INTS4: variants seen among roughly 807,000 people sequenced by gnomAD.
INTS4 encodes the protein MSTP093.
A neutral mutation model predicts 119.5 loss-of-function variants in INTS4; 70 were observed. The observed-to-expected ratio is 0.59, with a 90% CI of 0.48 to 0.71. INTS4 has a LOEUF of 0.71. Ranked by LOEUF, INTS4 falls within the 30% of genes least tolerant of loss-of-function variation. The pLI is 0.00. For missense variants in INTS4, 867 were observed against 1,173.2 expected (o/e 0.74, Z 3.81); for synonymous variants, 316 against 419.6 (o/e 0.75, Z 3.02).
At chr11:77,990,142 CAA>C (rs532596118) in intron 2 of INTS4, among the ~76,000 whole-genome samples, 49 of 147,414 alleles carry the variant, frequency 3.3e-4, no homozygotes, top group African/African-American at 1.1e-3. Flanking sequence ...TCACTTAAAC[CAA>C]AGAGACGGAG....
At chr11:77,894,198 G>A in intron 19 of INTS4, 92 bp downstream of exon 19, 1 of 670,342 alleles carries the variant, frequency 1.5e-6, no homozygotes, top group Non-Finnish European at 2.6e-6. Context: ...GCTAAACCAA[G>A]GAATGTGATT....
chr11:77,875,229 C>G (rs1026072226), downstream of INTS4, among the ~76,000 whole-genome samples: 11 of 152,178 alleles, frequency 7.2e-5, no homozygotes, highest in Middle Eastern at 3.2e-3. Context: ...TCTTTCCTTG[C>G]CCGGTTATGT....
At chr11:77,964,258 G>C (rs1232540607) in intron 4 of INTS4, among the ~76,000 whole-genome samples, 1 of 152,126 alleles carries the variant, frequency 6.6e-6, no homozygotes, top group Non-Finnish European at 1.5e-5. Context: ...GAATACAACA[G>C]AGTAACATCC....
intron 4 of INTS4, among the ~76,000 whole-genome samples, chr11:77,973,973 T>C (rs1224047281): frequency 6.6e-6 from 1 of 152,218 alleles, no homozygotes; most frequent in African/African-American, 2.4e-5. Flanking sequence ...TCTCCTGTTC[T>C]ATTTCTTGGG....
chr11:77,899,887 C>T (rs146846621), intron 18 of INTS4, among the ~76,000 whole-genome samples: 1 of 152,010 alleles, frequency 6.6e-6, no homozygotes, highest in African/African-American at 2.4e-5. Flanking sequence ...TGGAAGTATA[C>T]ACATGAAATG....
intron 4 of INTS4, chr11:77,963,352 CAAAAAA>C (rs777966254): frequency 8.4e-5 from 15 of 177,712 alleles, no homozygotes; most frequent in East Asian, 6.8e-4. Context: ...GACTCCGTCT[CAAAAAA>C]AAAAAAAAAA....
intron 1 of INTS4, among the ~76,000 whole-genome samples, chr11:77,992,937 C>A (rs1124590): frequency 0.13 from 19,770 of 152,190 alleles, 1,474 homozygotes; most frequent in East Asian, 0.25. Flanking sequence ...ATGTTAACAA[C>A]TGATGAAAAA....
chr11:77,902,693 C>G (rs143758808), intron 17 of INTS4, among the ~76,000 whole-genome samples: 1,673 of 152,272 alleles, frequency 0.011, 32 homozygotes, highest in African/African-American at 0.036. Context: ...ATAACAGTCA[C>G]CATCATTAGC....
intron 12 of INTS4, 56 bp downstream of exon 12, chr11:77,924,694 T>C: frequency 6.7e-7 from 1 of 1,496,442 alleles, no homozygotes; most frequent in Non-Finnish European, 9.3e-7. Flanking sequence ...AATGTCAGCA[T>C]TATACATTTA....
Position 77,994,650 on chromosome 11 carries a change from C to G in INTS4, c.-7G>C. The G allele has an allele frequency of 6.2e-7, 1 of 1,614,168 alleles. No individual in the cohort carries two copies. The highest frequency in any genetic ancestry group is 8.5e-7 in the Non-Finnish European group (1 of 1,180,024). On this transcript the variant is annotated 5_prime_UTR_variant, in exon 1 of 23. Transcript: ENST00000534064. ...TCTTAAGGTGCGCCGCCATGCCTAC[C>G]CGCGGGCCCTCTCAGCTTCCGTACA...
At chr11:77,924,652 C>T in intron 12 of INTS4, 98 bp downstream of exon 12, 1 of 1,140,462 alleles carries the variant, frequency 8.8e-7, no homozygotes, top group Non-Finnish European at 1.3e-6. Flanking sequence ...AAATTCAGGG[C>T]CGTACTATCC....
chr11:77,966,023 G>A (rs1855490313), intron 4 of INTS4, among the ~76,000 whole-genome samples: 1 of 152,162 alleles, frequency 6.6e-6, no homozygotes, highest in African/African-American at 2.4e-5. Flanking sequence ...TCTAATAGAT[G>A]TGAGGTGACA....
chr11:77,953,587 AT>A (rs71046929), intron 8 of INTS4, among the ~76,000 whole-genome samples: 61 of 147,642 alleles, frequency 4.1e-4, no homozygotes, highest in East Asian at 6.0e-4. Context: ...AAGTTAAACA[AT>A]TTTTTTTTTT....
intron 2 of INTS4, among the ~76,000 whole-genome samples, chr11:77,988,657 A>G (rs1856549463): frequency 6.6e-6 from 1 of 152,336 alleles, no homozygotes; most frequent in Non-Finnish European, 1.5e-5. Context: ...GCATGCTGAT[A>G]GCTGCAATAT....
chr11:77,963,275 T>C (rs1299819597), intron 4 of INTS4, among the ~76,000 whole-genome samples: 1 of 138,376 alleles, frequency 7.2e-6, no homozygotes, highest in Non-Finnish European at 1.5e-5. Context: ...GTCCTTCCCT[T>C]ACAAGTCACT....
chr11:77,951,624 C>G (rs1039764395), intron 8 of INTS4, among the ~76,000 whole-genome samples: 1 of 152,196 alleles, frequency 6.6e-6, no homozygotes, highest in Non-Finnish European at 1.5e-5. Flanking sequence ...ATGTCAAAAA[C>G]ACCAAAAGCA....
intron 21 of INTS4, among the ~76,000 whole-genome samples, chr11:77,888,174 T>C (rs1031743066): frequency 2.0e-5 from 3 of 152,174 alleles, no homozygotes; most frequent in African/African-American, 7.2e-5. Flanking sequence ...CTTCAAACTA[T>C]ACTACAAGCC....
At chr11:77,957,066 C>G (rs1474628702) in intron 7 of INTS4, among the ~76,000 whole-genome samples, 1 of 152,028 alleles carries the variant, frequency 6.6e-6, no homozygotes, top group African/African-American at 2.4e-5. Context: ...TCCTGAGTAG[C>G]CGGGACTACA....
intron 11 of INTS4, among the ~76,000 whole-genome samples, chr11:77,928,086 A>G (rs1953553036): frequency 6.6e-6 from 1 of 152,028 alleles, no homozygotes; most frequent in Non-Finnish European, 1.5e-5. Flanking sequence ...CTTCTTCCCA[A>G]CCTCACCTCA....
Sources: allele counts gnomAD v4.1 joint callset (sites outside exome capture counted in the v4.1 genomes callset), GRCh38; gene constraint gnomAD v4.1.1; transcripts MANE v1.5; gene names NCBI Gene and HGNC (gene_info 2026-07-23, HGNC 2026-07-21).